ZNF324B: variants seen among roughly 807,000 people sequenced by gnomAD.
ZNF324B encodes zinc finger protein 324B.
In ZNF324B, 7 loss-of-function variants were observed where a neutral mutation model predicts 10.6. The observed-to-expected ratio is 0.66, with a 90% CI of 0.38 to 1.24. The LOEUF is 1.24. ZNF324B is among the 50% of genes most tolerant of loss of function. The pLI is 0.02. For synonymous variants in ZNF324B, 316 were observed against 321.0 expected (o/e 0.98, Z 0.17); for missense variants, 640 against 764.7 (o/e 0.84, Z 1.92).
Position 58,455,307 on chromosome 19 carries a change from C to A in ZNF324B, c.363C>A (p.Ser121Arg). The change falls in exon 4 of 4, where the codon AGC (serine) becomes AGA (arginine). Residue 121 changes from serine to arginine, a missense_variant. Physicochemically the swap from Ser to Arg is moderately radical, Grantham distance 110. Around this residue, in one of 3 missense-constraint regions of ZNF324B, gnomAD observed 345 missense variants for 387.9 expected, o/e 0.89. Coordinates refer to ENST00000336614, the MANE Select transcript of ZNF324B (RefSeq NM_207395.3). This position sits in a 1 kb window ranked among gnomAD's most constrained non-coding sequence, Gnocchi z 7.0. Reference protein sequence around the residue: ...PVADACHSVKSLQRQPGASPS... With the variant: ...PVADACHSVKRLQRQPGASPS... Reference sequence around the variant, plus strand: ...CCGATGCCTGCCACAGTGTAAAAAGCCTGCAGCGACAACCGGGTGCCTCCC... The same window carrying A: ...CCGATGCCTGCCACAGTGTAAAAAGACTGCAGCGACAACCGGGTGCCTCCC... 2 of 1,614,214 alleles carry A rather than the reference C, an allele frequency of 1.2e-6. No homozygotes were observed. Among genetic ancestry groups the A allele is most frequent in the South Asian group, 2.2e-5 (2 of 91,084 alleles).
the ZNF324B span, chr19:58,433,758 C>G: frequency 2.5e-6 from 4 of 1,614,090 alleles, no homozygotes; most frequent in African/African-American, 1.3e-5. Context: ...TGTGAACTCT[C>G]CAGTGTTCAA....
At chr19:58,440,880 T>G in the ZNF324B span, 4,844 of 152,394 alleles carry the variant, frequency 0.032, 116 homozygotes, top group Middle Eastern at 0.1. Context: ...GCATGGAACG[T>G]GCGCCAAAGG....
the ZNF324B span, among the ~76,000 whole-genome samples, chr19:58,420,113 C>T: frequency 6.6e-6 from 1 of 152,114 alleles, no homozygotes; most frequent in Admixed American, 6.6e-5. Context: ...GAAACTCCAC[C>T]TCTACTAAAA....
Position 58,455,227 on chromosome 19 carries a change from C to T in ZNF324B, c.283C>T (p.Pro95Ser). Reference protein sequence around the residue: ...TEDRDVSGEWPRAFPDTPPGM... With the variant: ...TEDRDVSGEWSRAFPDTPPGM... ...GGATAGAGATGTTTCTGGAGAATGG[C>T]CACGAGCTTTCCCAGATACCCCACC... The change falls in exon 4 of 4, where the codon CCA becomes TCA. Residue 95 changes from proline to serine, a missense_variant. Pro to Ser is a moderately conservative substitution (Grantham distance 74). This residue lies in a region of ZNF324B where 345 missense variants were observed against 387.9 expected (regional missense o/e 0.89). Transcript: ENST00000336614. This position sits in a 1 kb window ranked among gnomAD's most constrained non-coding sequence, Gnocchi z 7.0. 1 of 1,614,214 alleles carries T rather than the reference C, an allele frequency of 6.2e-7. No individual in the cohort carries two copies. Among genetic ancestry groups the T allele is most frequent in the African/African-American group, 1.3e-5 (1 of 75,050 alleles).
At chr19:58,427,741 G>T in the ZNF324B span, among the ~76,000 whole-genome samples, 384 of 151,512 alleles carry the variant, frequency 2.5e-3, 1 homozygote, top group Non-Finnish European at 5.1e-3. Flanking sequence ...CTGCAGTCTT[G>T]AACTCCTGGG....
chr19:58,436,227 C>A, the ZNF324B span: 14 of 154,176 alleles, frequency 9.1e-5, no homozygotes, highest in Middle Eastern at 4.4e-3. Context: ...CTAATAGGAC[C>A]TACAGTTTCT....
At chr19:58,439,662 CAA>C in the ZNF324B span, 5 of 1,326,202 alleles carry the variant, frequency 3.8e-6, no homozygotes, top group Admixed American at 3.1e-5. Context: ...AGGACACGAT[CAA>C]GAGTCCCAGG....
chr19:58,440,171 C>T, the ZNF324B span: 1 of 343,352 alleles, frequency 2.9e-6, no homozygotes, highest in Non-Finnish European at 5.4e-6. Flanking sequence ...CCGGAAGTCC[C>T]GCCTCTCAAT....
the ZNF324B span, among the ~76,000 whole-genome samples, chr19:58,421,299 C>G: frequency 1.3e-5 from 2 of 152,194 alleles, no homozygotes; most frequent in African/African-American, 2.4e-5. Flanking sequence ...ATTGCTCCCC[C>G]ACTTCCCCAG....
intron 3 of ZNF324B, 52 bp downstream of exon 3, chr19:58,454,396 C>T (rs1270509547): frequency 1.7e-6 from 2 of 1,163,676 alleles, no homozygotes; most frequent in Non-Finnish European, 2.6e-6. Context: ...TGGCCAAGCC[C>T]ATGTCCCTGC....
chr19:58,433,320 C>T, the ZNF324B span: 1 of 1,606,050 alleles, frequency 6.2e-7, no homozygotes, highest in South Asian at 1.1e-5. Context: ...CATAAGGCTC[C>T]ACTCAGGTAT....
the ZNF324B span, among the ~76,000 whole-genome samples, chr19:58,439,354 G>A: frequency 6.6e-6 from 1 of 151,916 alleles, no homozygotes; most frequent in Non-Finnish European, 1.5e-5. Context: ...ACCTTCCATG[G>A]CTCCCACCAC....
At chr19:58,432,830 G>T in the ZNF324B span, 1 of 166,988 alleles carries the variant, frequency 6.0e-6, no homozygotes, top group Non-Finnish European at 1.3e-5. Flanking sequence ...GATCAATAAG[G>T]TCTTTATTAT....
At chr19:58,437,613 A>G in the ZNF324B span, 1 of 821,008 alleles carries the variant, frequency 1.2e-6, no homozygotes, top group Admixed American at 6.2e-5. Context: ...AATGGTTCAC[A>G]TTCTCTCACC....
At chr19:58,448,705 T>A (rs1463348416), upstream of ZNF324B, among the ~76,000 whole-genome samples, 1 of 152,052 alleles carries the variant, frequency 6.6e-6, no homozygotes, top group Admixed American at 6.6e-5. Flanking sequence ...GCAGCCTGGG[T>A]GACAGAGCAA....
chr19:58,432,247 AAGATAC>A, the ZNF324B span: 5 of 507,110 alleles, frequency 9.9e-6, no homozygotes, highest in Non-Finnish European at 2.0e-5. Context: ...GATGGGTGCC[AAGATAC>A]AGTTTGAGAG....
the ZNF324B span, among the ~76,000 whole-genome samples, chr19:58,428,145 C>T: frequency 6.6e-6 from 1 of 152,210 alleles, no homozygotes; most frequent in Admixed American, 6.5e-5. Flanking sequence ...CCCTCAGGGG[C>T]TTCCAGGAGA....
chr19:58,441,699 T>C, the ZNF324B span: 1 of 152,276 alleles, frequency 6.6e-6, no homozygotes, highest in South Asian at 2.1e-4. Context: ...CAGACTGCAT[T>C]ATGTTGGTGG....
the ZNF324B span, chr19:58,437,002 C>T: frequency 2.4e-5 from 38 of 1,613,536 alleles, 1 homozygote; most frequent in Non-Finnish European, 2.9e-5. Context: ...GGGGAAAAGA[C>T]ACAAGGCATA....
Sources: gnomAD v4.1 joint callset for allele counts (sites outside exome capture counted in the v4.1 genomes callset) on GRCh38, gnomAD v4.1.1 for gene constraint, gnomAD v4.1.1 regional missense constraint, Gnocchi (gnomAD v3.1) non-coding constraint, MANE v1.5 for transcripts, NCBI Gene and HGNC (gene_info 2026-07-23, HGNC 2026-07-21) for gene names.